The following VAV2 variants were observed in gnomAD, a reference collection of about 807,000 sequenced individuals.
The protein encoded by VAV2 is guanine nucleotide exchange factor VAV2.
VAV2 carries 67 observed loss-of-function variants against 132.5 expected under a neutral mutation model. That is an observed-to-expected ratio of 0.51 (90% CI 0.42 to 0.62). The LOEUF (loss-of-function observed/expected upper bound fraction) is 0.62, where lower values mean the gene tolerates loss of function less well. Ranked by LOEUF, VAV2 falls within the 20% of genes least tolerant of loss-of-function variation. VAV2 has a pLI of 0.00. For synonymous variants in VAV2, 492 were observed against 443.5 expected (o/e 1.11, Z -1.37); for missense variants, 938 against 1,153.6 (o/e 0.81, Z 2.71).
intron 8 of VAV2, among the ~76,000 whole-genome samples, chr9:133,806,402 G>A (rs2131683900): frequency 6.6e-6 from 1 of 152,286 alleles, no homozygotes; most frequent in East Asian, 1.9e-4. Flanking sequence ...TGGGAGGGAA[G>A]CCGCCCACAG....
chr9:133,882,367 G>A (rs762994781), intron 2 of VAV2, among the ~76,000 whole-genome samples: 2 of 152,204 alleles, frequency 1.3e-5, no homozygotes. Context: ...ACAGCCAGCC[G>A]ACATCTGTAC....
chr9:133,971,981 C>A (rs908851897), intron 1 of VAV2, among the ~76,000 whole-genome samples: 1 of 152,146 alleles, frequency 6.6e-6, no homozygotes, highest in Non-Finnish European at 1.5e-5. Context: ...CCCGGATTCA[C>A]CAGAGATGCA....
At chr9:133,898,693 G>A (rs565614431) in intron 2 of VAV2, among the ~76,000 whole-genome samples, 26 of 152,302 alleles carry the variant, frequency 1.7e-4, no homozygotes, top group African/African-American at 6.3e-4. Context: ...TTTATGTGGT[G>A]CCCGGGGAAG....
intron 1 of VAV2, among the ~76,000 whole-genome samples, chr9:133,962,181 G>A (rs1260741383): frequency 6.6e-5 from 10 of 152,124 alleles, no homozygotes; most frequent in Admixed American, 1.3e-4. Flanking sequence ...GGATGAAGGG[G>A]TAACAGGTAA....
chr9:133,777,396 T>C lies in VAV2; in HGVS notation c.1958A>G (p.Asp653Gly), dbSNP rs1414405918. The change falls in exon 23 of 30, where the codon GAT (aspartate) becomes GGT (glycine). Residue 653 changes from aspartate (D) to glycine (G), a missense_variant. Transcript: ENST00000371850. ...PSSSVKPCPV[D>G]GRPPISRPPS... ...CTGTGGGAAAGGACTCACCCTTCCATCCACAGGGCAGGGCTTCACAGATGA... is the reference window on the plus strand; with the variant it reads ...CTGTGGGAAAGGACTCACCCTTCCACCCACAGGGCAGGGCTTCACAGATGA... 4.3e-6 allele frequency: 7 copies of C among 1,613,686 alleles called. No homozygotes were observed. The highest frequency in any genetic ancestry group is 5.1e-6 in the Non-Finnish European group (6 of 1,179,964).
intron 2 of VAV2, among the ~76,000 whole-genome samples, chr9:133,933,844 TGGATGGGTGGAA>T (rs559702510): frequency 2.3e-5 from 3 of 128,788 alleles, no homozygotes; most frequent in African/African-American, 9.0e-5. Flanking sequence ...GGATGGATGG[TGGATGGGTGGAA>T]GGATGGGTGG....
At chr9:133,984,032 C>T (rs888579347) in intron 1 of VAV2, among the ~76,000 whole-genome samples, 4 of 152,130 alleles carry the variant, frequency 2.6e-5, no homozygotes, top group Non-Finnish European at 5.9e-5. Flanking sequence ...AGTGCAATGG[C>T]GTGATCTCAG....
At chr9:133,797,688 G>A in intron 10 of VAV2, 22 bp downstream of exon 10, 2 of 1,604,204 alleles carry the variant, frequency 1.2e-6, no homozygotes, top group Non-Finnish European at 1.7e-6. Flanking sequence ...CAGGGCCAGG[G>A]CCAACGCCTG....
chr9:133,780,057 C>A (rs893051816), intron 20 of VAV2, 118 bp from the exon 21 acceptor site: 10 of 1,405,454 alleles, frequency 7.1e-6, no homozygotes, highest in Non-Finnish European at 9.9e-6. Flanking sequence ...GGGGTCAAGG[C>A]AGGAGCAGGG....
At chr9:133,940,690 T>TGCGTGTGTGTGCGTGTGC (rs1554814273) in intron 1 of VAV2, among the ~76,000 whole-genome samples, 1 of 151,526 alleles carries the variant, frequency 6.6e-6, no homozygotes, top group African/African-American at 2.4e-5. Context: ...TGTGTGTGTG[T>TGCGTGTGTGTGCGTGTGC]GTGTGTGTGT....
At chr9:133,864,576 CT>C (rs1188291011) in intron 2 of VAV2, among the ~76,000 whole-genome samples, 1 of 152,236 alleles carries the variant, frequency 6.6e-6, no homozygotes, top group Non-Finnish European at 1.5e-5. Flanking sequence ...ACAGCACAAC[CT>C]TTTAAAGGCG....
At chr9:133,887,406 C>T (rs1205104991) in intron 2 of VAV2, among the ~76,000 whole-genome samples, 1 of 152,110 alleles carries the variant, frequency 6.6e-6, no homozygotes, top group Non-Finnish European at 1.5e-5. Context: ...GACATCTGGC[C>T]CCAGGGAATT....
intron 3 of VAV2, among the ~76,000 whole-genome samples, chr9:133,848,279 C>CA (rs34908811): frequency 0.026 from 1,240 of 47,236 alleles, 27 homozygotes; most frequent in East Asian, 0.066. Flanking sequence ...GACTCCGTCT[C>CA]AAAAAAAAAA....
chr9:133,843,739 C>T (rs1478799728), intron 3 of VAV2, among the ~76,000 whole-genome samples: 1 of 152,208 alleles, frequency 6.6e-6, no homozygotes, highest in African/African-American at 2.4e-5. Flanking sequence ...GATGAAGACT[C>T]AAGTGCCAAG....
intron 1 of VAV2, among the ~76,000 whole-genome samples, chr9:133,945,538 G>A (rs1231643326): frequency 5.3e-5 from 8 of 152,222 alleles, no homozygotes; most frequent in Non-Finnish European, 1.5e-5. Context: ...ACCCAGGCCC[G>A]GTTCCTCTCA....
chr9:133,833,236 T>G lies in VAV2; in HGVS notation c.449+1036A>C, dbSNP rs141981001. On this transcript the variant is annotated intron_variant, in intron 4 of 29. Coordinates refer to ENST00000371850, the MANE Select transcript of VAV2 (RefSeq NM_001134398.2). The surrounding 1 kb of genome is among the most constrained non-coding windows in gnomAD (Gnocchi z 5.6). ...ACACAGGGATCCTGCGGAAAGTATT[T>G]TCCTGGGCCCTGCAAGCTAAAGGCA... 0.01 allele frequency among the ~76,000 whole-genome samples: 1,573 copies of G among 152,276 alleles called. 23 individuals carry two copies. Among genetic ancestry groups the G allele is most frequent in the African/African-American group, 0.035 (1,471 of 41,564 alleles).
chr9:133,793,161 G>T (rs912899857), intron 12 of VAV2, among the ~76,000 whole-genome samples: 7 of 152,200 alleles, frequency 4.6e-5, no homozygotes, highest in African/African-American at 7.2e-5. Flanking sequence ...TGCAATCCTC[G>T]TGCTGGCCAC....
intron 1 of VAV2, among the ~76,000 whole-genome samples, chr9:133,978,576 T>TAGGGGACAAGA (rs142628731): frequency 0.053 from 8,134 of 152,348 alleles, 578 homozygotes; most frequent in African/African-American, 0.16. Context: ...CAAGCTGGCC[T>TAGGGGACAAGA]AGGGGACAAG....
intron 1 of VAV2, among the ~76,000 whole-genome samples, chr9:133,952,552 G>A (rs951150657): frequency 6.6e-6 from 1 of 151,658 alleles, no homozygotes. Context: ...GCAGGGAGCC[G>A]AGATCGCACC....
Sources: gnomAD v4.1 joint callset for allele counts (sites outside exome capture counted in the v4.1 genomes callset) on GRCh38, gnomAD v4.1.1 for gene constraint, Gnocchi (gnomAD v3.1) non-coding constraint, MANE v1.5 for transcripts, NCBI Gene and HGNC (gene_info 2026-07-23, HGNC 2026-07-21) for gene names.